TSC1: variants seen among roughly 807,000 people sequenced by gnomAD.
TSC1 encodes the protein TSC complex subunit 1, also known as hamartin.
In TSC1, 20 loss-of-function variants were observed where a neutral mutation model predicts 124.3. The observed-to-expected ratio is 0.16, with a 90% CI of 0.11 to 0.23. TSC1 has a LOEUF of 0.23. TSC1 is among the 10% of genes least tolerant of loss of function. TSC1 has a pLI of 1.00. For missense variants in TSC1, 1,124 were observed against 1,448.5 expected (o/e 0.78, Z 3.64); for synonymous variants, 493 against 539.1 (o/e 0.91, Z 1.19).
intron 1 of TSC1, among the ~76,000 whole-genome samples, chr9:132,942,617 T>C (rs953504450): frequency 3.9e-5 from 6 of 152,172 alleles, no homozygotes; most frequent in African/African-American, 1.4e-4. Flanking sequence ...ACTCTAATTT[T>C]ATGGAAACAA....
chr9:132,911,392 C>A, intron 10 of TSC1, 61 bp downstream of exon 10: 1 of 1,344,434 alleles, frequency 7.4e-7, no homozygotes, highest in East Asian at 2.3e-5. Context: ...TAAATCTGAC[C>A]CAAAGGGTCA....
chr9:132,938,582 C>G (rs930935851), intron 1 of TSC1, among the ~76,000 whole-genome samples: 1 of 152,160 alleles, frequency 6.6e-6, no homozygotes, highest in African/African-American at 2.4e-5. Context: ...TAATATCATT[C>G]TTTAGGTGTT....
chr9:132,911,730 T>C (rs959077845), intron 9 of TSC1, among the ~76,000 whole-genome samples, 162 bp from the exon 10 acceptor site: 2 of 151,240 alleles, frequency 1.3e-5, no homozygotes, highest in East Asian at 1.9e-4. Context: ...ACTGACATCC[T>C]TGGGGACAAA....
At chr9:132,901,741 C>A (rs768630097) in intron 18 of TSC1, 42 bp from the exon 19 acceptor site, 4 of 1,589,608 alleles carry the variant, frequency 2.5e-6, no homozygotes, top group Middle Eastern at 1.7e-4. Flanking sequence ...GGAACACCAA[C>A]AGGCCAGATC....
chr9:132,900,371 T>C (rs1845302925), intron 20 of TSC1: 2 of 374,638 alleles, frequency 5.3e-6, no homozygotes, highest in Non-Finnish European at 1.0e-5. Context: ...ATATCCATGG[T>C]CCTGAGAGGT....
At chr9:132,897,806 C>G (rs1448083663) in intron 20 of TSC1, among the ~76,000 whole-genome samples, 196 bp from the exon 21 acceptor site, 1 of 152,130 alleles carries the variant, frequency 6.6e-6, no homozygotes, top group Non-Finnish European at 1.5e-5. Flanking sequence ...AATCTATCCC[C>G]AAGCAAATCA....
At position 132,915,190 on chromosome 9, in the gene TSC1, G is replaced by GA. The variant is rs1036905251; in HGVS notation, c.738-2734dup. Reference sequence around the variant, plus strand: ...ACAGAGCAAGACCCTGTCTCAGGAAGAAAAAAAAAAAATCATGCTTTCCAC... The same window carrying GA: ...ACAGAGCAAGACCCTGTCTCAGGAAGAAAAAAAAAAAAATCATGCTTTCCAC... On this transcript the variant is annotated intron_variant, in intron 8 of 22. Coordinates refer to ENST00000298552, the MANE Select transcript of TSC1 (RefSeq NM_000368.5). Among the ~76,000 whole-genome samples, 630 of 144,718 alleles carry GA rather than the reference G, an allele frequency of 4.4e-3. 5 individuals carry two copies. Among genetic ancestry groups the GA allele is most frequent in the African/African-American group, 0.014 (541 of 39,688 alleles). 94.9% of individuals were successfully genotyped at this position (144,718 alleles called of 152,430 possible).
Position 132,902,552 on chromosome 9 carries a change from C to T in TSC1, c.2391+53G>A, listed in dbSNP as rs1845437020. 6.2e-7 allele frequency: 1 copy of T among 1,607,458 alleles called. No individual in the cohort carries two copies. The highest frequency in any genetic ancestry group is 2.1e-4 in the Middle Eastern group (1 of 4,864). On this transcript the variant is annotated intron_variant, in intron 18 of 22. Transcript: ENST00000298552. This position sits in a 1 kb window ranked among gnomAD's most constrained non-coding sequence, Gnocchi z 5.2. The stretch of plus-strand genomic sequence containing the variant: ...CAGGGAAACTGACTGCCTCCCTCCC[C>T]ACTGCTCTCCGGCATTCTCGCAGTT...
upstream of TSC1, chr9:132,944,729 G>C (rs1195306965): frequency 5.0e-6 from 2 of 397,954 alleles, no homozygotes; most frequent in Admixed American, 4.4e-5. Context: ...GGCCGCGCTC[G>C]GCAGCCCCGC....
intron 2 of TSC1, among the ~76,000 whole-genome samples, chr9:132,932,287 G>A (rs1479366754): frequency 6.6e-6 from 1 of 152,038 alleles, no homozygotes; most frequent in Non-Finnish European, 1.5e-5. Flanking sequence ...TCAGTAAAAG[G>A]CACTACCATC....
chr9:132,939,569 C>T (rs1051555365), intron 1 of TSC1, among the ~76,000 whole-genome samples: 1 of 152,170 alleles, frequency 6.6e-6, no homozygotes, highest in Non-Finnish European at 1.5e-5. Flanking sequence ...TTTGGTAAGG[C>T]GTATCTCTTC....
Position 132,907,232 on chromosome 9 carries a change from T to C in TSC1, c.1333+69A>G, listed in dbSNP as rs1216114391. 5 of 1,353,816 alleles carry C rather than the reference T, an allele frequency of 3.7e-6. No homozygotes were observed. The Admixed American group carries it at 8.5e-5, about 23-fold the overall frequency. The allele number at this position is 1,353,816 out of a possible 1,614,324, so 83.9% of individuals were successfully genotyped here. ...GAATTTCCTTGTTTCCATTTAACTTTCTTTTCTTAAACACATATAACCCAA... is the reference window on the plus strand; with the variant it reads ...GAATTTCCTTGTTTCCATTTAACTTCCTTTTCTTAAACACATATAACCCAA... On this transcript the variant is annotated intron_variant, in intron 13 of 22. Transcript: ENST00000298552.
rs143740161 is a variant in TSC1, at chr9:132,892,356, C to A, written c.*3879G>T. 5.5e-4 allele frequency: 128 copies of A among 233,364 alleles called. 1 individual carries two copies. In the East Asian group the frequency reaches 7.4e-3, roughly 14 times the overall value. 14.5% of individuals were successfully genotyped at this position (233,364 alleles called of 1,614,324 possible). A position where few individuals can be genotyped will look rare whatever the true frequency, so the allele number is the denominator to read the frequency against. Reference sequence around the variant, plus strand: ...ACAGAACTCTGGATGTAAACAGATACACAAACATCTTCAGACTGGATACAT... The same window carrying A: ...ACAGAACTCTGGATGTAAACAGATAAACAAACATCTTCAGACTGGATACAT... On this transcript the variant is annotated 3_prime_UTR_variant, in exon 23 of 23. Transcript: ENST00000298552.
Position 132,897,613 on chromosome 9 carries a change from GA to G in TSC1, c.2626-4del, listed in dbSNP as rs5901000. On this transcript the variant is annotated splice_region_variant and splice_polypyrimidine_tract_variant and intron_variant, in intron 20 of 22. Coordinates refer to ENST00000298552, the MANE Select transcript of TSC1 (RefSeq NM_000368.5). ...GCGGCTTTCATCATTTCTACTTCCT[GA>G]AAAAAAAAAAAAAAAAAGACTGGAA... The G allele has an allele frequency of 0.1, 134,107 of 1,303,376 alleles. 165 individuals carry two copies. Among genetic ancestry groups the G allele is most frequent in the Middle Eastern group, 0.16 (721 of 4,586 alleles). 80.7% of individuals were successfully genotyped at this position (1,303,376 alleles called of 1,614,324 possible).
Position 132,921,672 on chromosome 9 carries a change from T to C in TSC1, c.663+147A>G. On this transcript the variant is annotated intron_variant, in intron 7 of 22. Coordinates refer to ENST00000298552, the MANE Select transcript of TSC1 (RefSeq NM_000368.5). The surrounding 1 kb of genome is among the most constrained non-coding windows in gnomAD (Gnocchi z 4.3). ...AAATCTATTAAGACAGAAAACAGAT[T>C]AGTGGCTGCCTAGGGATTGGAGTGG... 1 of 1,114,134 alleles carries C rather than the reference T, an allele frequency of 9.0e-7. No homozygotes were observed. The highest frequency in any genetic ancestry group is 1.3e-6 in the Non-Finnish European group (1 of 749,544). The allele number at this position is 1,114,134 out of a possible 1,614,324, so 69.0% of individuals were successfully genotyped here.
intron 8 of TSC1, among the ~76,000 whole-genome samples, chr9:132,920,129 T>C (rs747527304): frequency 9.9e-5 from 15 of 152,214 alleles, no homozygotes; most frequent in Non-Finnish European, 5.9e-5. Context: ...GACTCATTCA[T>C]GACCTTGTGC....
chr9:132,928,391 A>T (rs188687295), intron 3 of TSC1, among the ~76,000 whole-genome samples: 52 of 152,354 alleles, frequency 3.4e-4, no homozygotes, highest in African/African-American at 1.2e-3. Context: ...TGGTAAGCAA[A>T]AAAGGGTACT....
intron 8 of TSC1, among the ~76,000 whole-genome samples, chr9:132,917,271 T>A (rs560104160): frequency 9.2e-5 from 14 of 152,238 alleles, no homozygotes; most frequent in South Asian, 4.2e-4. Flanking sequence ...TATCCTTCAA[T>A]CCTAGGATTT....
chr9:132,928,812 C>T lies in TSC1; in HGVS notation c.61G>A (p.Val21Met). ...AAGACAGCTGTCACGTCGTCCCGCACACCCAGCATGGGGGAGTCCAGCATG... is the reference window on the plus strand; with the variant it reads ...AAGACAGCTGTCACGTCGTCCCGCATACCCAGCATGGGGGAGTCCAGCATG... ...LAMLDSPMLG[V>M]RDDVTAVFKE... is the part of the protein sequence containing the mutation. The change falls in exon 3 of 23, where the codon GTG (valine) becomes ATG (methionine). Residue 21 changes from valine to methionine, a missense_variant. By Grantham distance (21) the Val-to-Met change is conservative. This residue lies in a region of TSC1 where 463 missense variants were observed against 606.8 expected (regional missense o/e 0.76). Coordinates refer to ENST00000298552, the MANE Select transcript of TSC1 (RefSeq NM_000368.5). 1.9e-6 allele frequency: 3 copies of T among 1,614,234 alleles called. No homozygotes were observed. The highest frequency in any genetic ancestry group is 2.2e-5 in the South Asian group (2 of 91,086).
Sources: gnomAD v4.1 joint callset for allele counts (sites outside exome capture counted in the v4.1 genomes callset) on GRCh38, gnomAD v4.1.1 for gene constraint, gnomAD v4.1.1 regional missense constraint, Gnocchi (gnomAD v3.1) non-coding constraint, MANE v1.5 for transcripts, NCBI Gene and HGNC (gene_info 2026-07-23, HGNC 2026-07-21) for gene names.